Variants in WDR49 observed in about 807,000 individuals in gnomAD.
The protein encoded by WDR49 is cilia- and flagella-associated protein 337.
A neutral mutation model predicts 119.5 loss-of-function variants in WDR49; 107 were observed. The ratio of observed to expected loss-of-function variants is 0.90; its 90% CI spans 0.77 to 1.05. The LOEUF is 1.05. Among genes scored for constraint, WDR49 ranks in the 50% least tolerant of loss-of-function variants. The pLI, the probability that WDR49 is intolerant of heterozygous loss-of-function variation, is 0.00. For missense variants in WDR49, 1,240 were observed against 1,220.5 expected (o/e 1.02, Z -0.24); for synonymous variants, 425 against 418.8 (o/e 1.01, Z -0.18).
chr3:167,497,864 C>A (rs1021199473), intron 18 of WDR49, among the ~76,000 whole-genome samples: 15 of 148,378 alleles, frequency 1.0e-4, no homozygotes, highest in Admixed American at 6.1e-4. Context: ...TAAGTACTTC[C>A]CATATTCATT....
intron 16 of WDR49, among the ~76,000 whole-genome samples, chr3:167,511,416 G>T (rs189534898): frequency 6.6e-6 from 1 of 152,116 alleles, no homozygotes; most frequent in Non-Finnish European, 1.5e-5. Context: ...GAAGTCTACC[G>T]ACGCCTATAT....
chr3:167,516,115 T>TA lies in WDR49; in HGVS notation c.2774+6199dup, dbSNP rs201249569. ...ATCAAACTACTCTTGAAATTTTTTTTATTATACTTTAAGTTTTAGGGTACA... is the reference window on the plus strand; with the variant it reads ...ATCAAACTACTCTTGAAATTTTTTTTAATTATACTTTAAGTTTTAGGGTACA... On this transcript the variant is annotated intron_variant, in intron 16 of 18. Coordinates refer to ENST00000682715, the MANE Select transcript of WDR49 (RefSeq NM_001366157.1). Among the ~76,000 whole-genome samples the TA allele has an allele frequency of 3.3e-5, 5 of 152,196 alleles. No individual in the cohort carries two copies. The East Asian group carries it at 9.7e-4, about 29-fold the overall frequency.
At chr3:167,543,796 C>G (rs1013504366) in intron 10 of WDR49, among the ~76,000 whole-genome samples, 3 of 151,930 alleles carry the variant, frequency 2.0e-5, no homozygotes, top group Non-Finnish European at 4.4e-5. Context: ...CCAGAGCAAT[C>G]AGACAAGAGA....
intron 18 of WDR49, among the ~76,000 whole-genome samples, chr3:167,479,395 A>C (rs888937280): frequency 6.6e-6 from 1 of 152,206 alleles, no homozygotes; most frequent in African/African-American, 2.4e-5. Context: ...GTCTGCATGA[A>C]TAAACAAGCG....
intron 8 of WDR49, among the ~76,000 whole-genome samples, chr3:167,568,934 A>G (rs1713766772): frequency 6.7e-6 from 1 of 149,950 alleles, no homozygotes; most frequent in Admixed American, 6.6e-5. Context: ...TGCAGTATGT[A>G]CTACAGTTAA....
In WDR49 at chr3:167,620,643, A is replaced by G. The variant is rs183782653; in HGVS notation, c.784-40T>C. 1.7e-3 allele frequency: 2,495 copies of G among 1,481,480 alleles called. 18 individuals are homozygous for G. The highest frequency in any genetic ancestry group is 0.013 in the African/African-American group (946 of 71,102). 91.8% of individuals were successfully genotyped at this position (1,481,480 alleles called of 1,614,324 possible). On this transcript the variant is annotated intron_variant, in intron 4 of 18. Coordinates refer to ENST00000682715, the MANE Select transcript of WDR49 (RefSeq NM_001366157.1). The stretch of plus-strand genomic sequence containing the variant: ...TGAAAGAACAACAATCGTGGACGGG[A>G]TATTTGTTGCAAGAAGATTCTAGGT...
intron 15 of WDR49, among the ~76,000 whole-genome samples, chr3:167,527,156 G>A (rs1752665960): frequency 6.6e-6 from 1 of 152,084 alleles, no homozygotes; most frequent in Non-Finnish European, 1.5e-5. Context: ...CCCAACTTGA[G>A]TTAAAAACAA....
intron 10 of WDR49, among the ~76,000 whole-genome samples, chr3:167,537,987 T>C (rs1368136471): frequency 6.6e-6 from 1 of 152,118 alleles, no homozygotes; most frequent in East Asian, 1.9e-4. Context: ...TGCCTCCTGA[T>C]CTTTCTTTCC....
At chr3:167,582,097 G>A (rs940464666) in intron 7 of WDR49, among the ~76,000 whole-genome samples, 7 of 151,326 alleles carry the variant, frequency 4.6e-5, no homozygotes, top group Non-Finnish European at 1.0e-4. Flanking sequence ...GAGTACAGTA[G>A]TGCAGCAGCC....
intron 17 of WDR49, among the ~76,000 whole-genome samples, chr3:167,502,448 G>A (rs13073745): frequency 0.09 from 13,652 of 152,220 alleles, 643 homozygotes; most frequent in Non-Finnish European, 0.11. Context: ...GCAGACGTTG[G>A]AAGAGTTTGG....
chr3:167,536,821 A>G, intron 11 of WDR49, 49 bp downstream of exon 11: 1 of 1,411,888 alleles, frequency 7.1e-7, no homozygotes, highest in Non-Finnish European at 9.3e-7. Context: ...AAAACAAACC[A>G]AAACAAATCA....
At chr3:167,516,550 C>A (rs1752212828) in intron 16 of WDR49, among the ~76,000 whole-genome samples, 1 of 152,056 alleles carries the variant, frequency 6.6e-6, no homozygotes, top group Non-Finnish European at 1.5e-5. Flanking sequence ...AATAGTGCCA[C>A]AATAAACATA....
chr3:167,497,684 TTC>T (rs1344963543), intron 18 of WDR49, among the ~76,000 whole-genome samples: 1 of 152,194 alleles, frequency 6.6e-6, no homozygotes, highest in Non-Finnish European at 1.5e-5. Flanking sequence ...CTTTTGCATA[TTC>T]TCTGTCTCCT....
chr3:167,554,010 C>A (rs1461318087), intron 10 of WDR49, among the ~76,000 whole-genome samples: 1 of 151,908 alleles, frequency 6.6e-6, no homozygotes, highest in African/African-American at 2.4e-5. Flanking sequence ...CCTATTAGAG[C>A]AATATTTTGT....
At chr3:167,650,887 G>A (rs985098725) in intron 2 of WDR49, among the ~76,000 whole-genome samples, 3 of 151,996 alleles carry the variant, frequency 2.0e-5, no homozygotes, top group Admixed American at 6.6e-5. Flanking sequence ...TAGAAATAAA[G>A]GAAACTGAGG....
intron 18 of WDR49, among the ~76,000 whole-genome samples, chr3:167,487,807 A>T (rs527996819): frequency 6.6e-6 from 1 of 152,258 alleles, no homozygotes; most frequent in African/African-American, 2.4e-5. Flanking sequence ...AGAGAAAAGC[A>T]AATCAAAACC....
intron 2 of WDR49, among the ~76,000 whole-genome samples, chr3:167,649,072 G>A (rs896369441): frequency 6.6e-6 from 1 of 152,112 alleles, no homozygotes; most frequent in African/African-American, 2.4e-5. Context: ...TAAAGGTTCT[G>A]GGGAAAGGGA....
chr3:167,487,534 C>A (rs887176276), intron 18 of WDR49, among the ~76,000 whole-genome samples: 5 of 151,926 alleles, frequency 3.3e-5, no homozygotes, highest in African/African-American at 4.8e-5. Flanking sequence ...TAAATGGAAC[C>A]TAATTAAATA....
chr3:167,590,485 C>G (rs551422905), intron 7 of WDR49, among the ~76,000 whole-genome samples: 17 of 152,110 alleles, frequency 1.1e-4, no homozygotes, highest in African/African-American at 3.9e-4. Flanking sequence ...GGTACCAGTT[C>G]TTCTTTTAAT....
Sources: gnomAD v4.1 joint callset for allele counts (sites outside exome capture counted in the v4.1 genomes callset) on GRCh38, gnomAD v4.1.1 for gene constraint, MANE v1.5 for transcripts, NCBI Gene and HGNC (gene_info 2026-07-23, HGNC 2026-07-21) for gene names.